Variants in NEK5 observed in about 807,000 individuals in gnomAD.
The protein encoded by NEK5 is serine/threonine-protein kinase Nek5.
Under a neutral mutation model 109.2 loss-of-function variants are expected in NEK5, and 88 were observed. The observed-to-expected ratio is 0.81, with a 90% CI of 0.68 to 0.96. NEK5 has a LOEUF of 0.96. Ranked by LOEUF, NEK5 falls within the 40% of genes least tolerant of loss-of-function variation. NEK5 has a pLI of 0.00. For synonymous variants in NEK5, 283 were observed against 299.9 expected (o/e 0.94, Z 0.58); for missense variants, 834 against 920.7 (o/e 0.91, Z 1.22).
chr13:52,094,258 G>A (rs558430451), intron 12 of NEK5, among the ~76,000 whole-genome samples: 3 of 152,160 alleles, frequency 2.0e-5, no homozygotes, highest in Non-Finnish European at 4.4e-5. Flanking sequence ...GCAAAGTGGG[G>A]TCAATTTAAC....
At chr13:52,106,773 A>T (rs1044977099) in intron 8 of NEK5, among the ~76,000 whole-genome samples, 1 of 152,076 alleles carries the variant, frequency 6.6e-6, no homozygotes. Context: ...TCTCAAAAAA[A>T]AAAAAAATTA....
chr13:52,037,061 A>G lies in NEK5; in HGVS notation c.2386T>C (p.Ser796Pro). 1.0e-6 allele frequency: 1 copy of G among 985,352 alleles called. No individual in the cohort carries two copies. The highest frequency in any genetic ancestry group is 1.2e-6 in the Non-Finnish European group (1 of 829,886). 61.0% of individuals were successfully genotyped at this position (985,352 alleles called of 1,614,324 possible). A position where few individuals can be genotyped will look rare whatever the true frequency, so the allele number is the denominator to read the frequency against. ...REREGISMQK[S>P]EELREGLENI... ...TCCAAGCCCTCCCTTAATTCTTCAG[A>G]TTTCTGCATACTTATCCCCTCTCTT... Residue 796 changes from serine to proline, a missense_variant, in exon 24 of 24, where the codon TCT becomes CCT. Physicochemically the swap from Ser to Pro is moderately conservative, Grantham distance 74 (BLOSUM62 -1). Around this residue, in one of 2 missense-constraint regions of NEK5, gnomAD observed 57 missense variants for 96.0 expected, o/e 0.59. Coordinates refer to ENST00000684899, the MANE Select transcript of NEK5 (RefSeq NM_001365552.1).
At chr13:52,052,457 C>T (rs1284220962) in intron 22 of NEK5, among the ~76,000 whole-genome samples, 1 of 152,130 alleles carries the variant, frequency 6.6e-6, no homozygotes, top group Non-Finnish European at 1.5e-5. Flanking sequence ...GGATGGGCTG[C>T]TCACAGAGTA....
chr13:52,096,818 C>T (rs1472214212), intron 12 of NEK5, among the ~76,000 whole-genome samples: 2 of 152,148 alleles, frequency 1.3e-5, no homozygotes, highest in Non-Finnish European at 2.9e-5. Flanking sequence ...TGTTGTTAGC[C>T]AAGATAATGG....
Position 52,035,633 on chromosome 13 carries a change from TATTA to T in NEK5, c.*1311_*1314del, listed in dbSNP as rs1394301012. The T allele has an allele frequency of 6.6e-6, 1 of 152,216 alleles. No homozygotes were observed. Among genetic ancestry groups the T allele is most frequent in the Non-Finnish European group, 1.5e-5 (1 of 68,024 alleles). The allele number at this position is 152,216 out of a possible 1,614,324, so 9.4% of individuals were successfully genotyped here. A position where few individuals can be genotyped will look rare whatever the true frequency, so the allele number is the denominator to read the frequency against. On this transcript the variant is annotated 3_prime_UTR_variant, in exon 24 of 24. Transcript: ENST00000684899. ...CTTAATGAGGAAATGTTTTAGCATTTATTAATTCAGGAAACATTTCTGGCACTGT... is the reference window on the plus strand; with the variant it reads ...CTTAATGAGGAAATGTTTTAGCATTTATTCAGGAAACATTTCTGGCACTGT...
intron 16 of NEK5, among the ~76,000 whole-genome samples, chr13:52,084,230 T>C (rs1399002130): frequency 6.6e-6 from 1 of 152,138 alleles, no homozygotes; most frequent in South Asian, 2.1e-4. Flanking sequence ...GTGGTTATAA[T>C]TGTATTTTTT....
At chr13:52,046,037 C>T (rs1369344519) in intron 23 of NEK5, among the ~76,000 whole-genome samples, 2 of 144,622 alleles carry the variant, frequency 1.4e-5, no homozygotes, top group Admixed American at 1.4e-4. Context: ...TGCCACTACA[C>T]TCCAGTCTGG....
chr13:52,084,603 A>G (rs1242937046), intron 16 of NEK5, among the ~76,000 whole-genome samples: 1 of 152,056 alleles, frequency 6.6e-6, no homozygotes, highest in East Asian at 1.9e-4. Context: ...CAGTGGCACA[A>G]TCATGGCTCA....
chr13:52,090,829 T>TC (rs1227035064), intron 13 of NEK5, among the ~76,000 whole-genome samples: 1 of 152,012 alleles, frequency 6.6e-6, no homozygotes, highest in East Asian at 1.9e-4. Flanking sequence ...ATTGAGACCC[T>TC]CCTGGCTGAC....
chr13:52,044,841 A>G (rs1954442724), intron 23 of NEK5, among the ~76,000 whole-genome samples: 1 of 152,166 alleles, frequency 6.6e-6, no homozygotes, highest in Admixed American at 6.5e-5. Context: ...TGAAACGAAA[A>G]GAGGCCTTTG....
chr13:52,048,493 CA>C, intron 23 of NEK5, among the ~76,000 whole-genome samples: 1 of 151,610 alleles, frequency 6.6e-6, no homozygotes, highest in Non-Finnish European at 1.5e-5. Context: ...ATGCCATAAA[CA>C]AAATTATAAA....
chr13:52,081,133 G>A (rs1955004901), intron 17 of NEK5, among the ~76,000 whole-genome samples: 1 of 152,158 alleles, frequency 6.6e-6, no homozygotes, highest in African/African-American at 2.4e-5. Flanking sequence ...GCCATTGATT[G>A]TCGTGTAGAG....
At chr13:52,043,147 T>C (rs1954428100) in intron 23 of NEK5, among the ~76,000 whole-genome samples, 1 of 151,476 alleles carries the variant, frequency 6.6e-6, no homozygotes, top group African/African-American at 2.4e-5. Context: ...TCAGACCAAA[T>C]AGAACTTAAT....
At chr13:52,061,004 C>T (rs182827013) in intron 22 of NEK5, among the ~76,000 whole-genome samples, 54 of 152,300 alleles carry the variant, frequency 3.5e-4, no homozygotes, top group Admixed American at 1.0e-3. Flanking sequence ...GAATTATAGG[C>T]GTGAGCCATT....
At chr13:52,092,096 A>C (rs532813472) in intron 13 of NEK5, among the ~76,000 whole-genome samples, 35 of 152,338 alleles carry the variant, frequency 2.3e-4, no homozygotes, top group African/African-American at 8.4e-4. Context: ...CTGTGCCTAC[A>C]GTTAAGCAGC....
chr13:52,112,939 C>T (rs946402830), intron 4 of NEK5, among the ~76,000 whole-genome samples: 3 of 152,300 alleles, frequency 2.0e-5, no homozygotes, highest in Admixed American at 2.0e-4. Context: ...TGTCCAAGTA[C>T]CTCTGCTCTT....
Position 52,112,510 on chromosome 13 carries a change from A to T in NEK5, c.215-145T>A. 7.3e-6 allele frequency: 4 copies of T among 545,366 alleles called. No homozygotes were observed. The South Asian group carries it at 9.4e-5, about 13-fold the overall frequency. 33.8% of individuals were successfully genotyped at this position (545,366 alleles called of 1,614,324 possible). ...TCTGTGACTCTGGGCAAGTCACTTT[A>T]ACTTCTCCGTGCCTCATTACCTCAT... On this transcript the variant is annotated intron_variant, in intron 4 of 23. Coordinates refer to ENST00000684899, the MANE Select transcript of NEK5 (RefSeq NM_001365552.1).
intron 17 of NEK5, among the ~76,000 whole-genome samples, chr13:52,080,102 G>A (rs1176237821): frequency 1.7e-4 from 26 of 151,292 alleles, no homozygotes; most frequent in African/African-American, 3.9e-4. Flanking sequence ...CTATCCGCCC[G>A]GCAGCCACCC....
intron 22 of NEK5, among the ~76,000 whole-genome samples, chr13:52,060,526 T>C (rs907575017): frequency 6.6e-6 from 1 of 152,108 alleles, no homozygotes; most frequent in Non-Finnish European, 1.5e-5. Context: ...ACCTAATTTT[T>C]GTATTTTTAG....
Sources: allele counts gnomAD v4.1 joint callset (sites outside exome capture counted in the v4.1 genomes callset), GRCh38; gene constraint gnomAD v4.1.1; regional missense constraint gnomAD v4.1.1; transcripts MANE v1.5; gene names NCBI Gene and HGNC (gene_info 2026-07-23, HGNC 2026-07-21).